The following OPN1LW variants were observed in gnomAD, a reference collection of about 807,000 sequenced individuals.
The protein encoded by OPN1LW is long-wave-sensitive opsin 1.
Under a neutral mutation model 18.1 loss-of-function variants are expected in OPN1LW, and 4 were observed. That is an observed-to-expected ratio of 0.22 (90% CI 0.11 to 0.51). OPN1LW has a LOEUF of 0.51. Among genes scored for constraint, OPN1LW ranks in the 20% least tolerant of loss-of-function variants. The pLI, the probability that OPN1LW is intolerant of heterozygous loss-of-function variation, is 0.97. For missense variants in OPN1LW, 164 were observed against 234.9 expected (o/e 0.70, Z 1.97); for synonymous variants, 86 against 101.2 (o/e 0.85, Z 0.90).
chrX:154,144,252 G>C lies in OPN1LW; in HGVS notation c.-32G>C. 1.7e-6 allele frequency: 2 copies of C among 1,209,899 alleles called. No individual in the cohort carries two copies. Among genetic ancestry groups the C allele is most frequent in the South Asian group, 1.8e-5 (1 of 56,893 alleles). On this transcript the variant is annotated 5_prime_UTR_variant, in exon 1 of 6. Transcript: ENST00000369951. ...GACCCTCAGGTGATGCGCCAGGGCC[G>C]GCTGCCGTCGGGGACAGGGCTTTCC...
chrX:154,149,435 G>A (rs2067067301), intron 1 of OPN1LW, among the ~76,000 whole-genome samples: 1 of 94,435 alleles, frequency 1.1e-5, no homozygotes, highest in Admixed American at 1.1e-4. Context: ...CGGAGGCTGA[G>A]GCAGGAGAAT....
chrX:154,150,665 A>C lies in OPN1LW; in HGVS notation c.122A>C (p.Glu41Ala). The change falls in exon 2 of 6, where the codon GAA (glutamate) becomes GCA (alanine). Residue 41 changes from glutamate (E) to alanine (A), a missense_variant. By Grantham distance (107) the Glu-to-Ala change is moderately radical. Transcript: ENST00000369951. ...TNSNSTRGPF[E>A]GPNYHIAPRW... ...TGCCTCCTGCCCTCAGGCCCCTTCGAAGGCCCGAATTACCACATCGCTCCC... is the reference window on the plus strand; with the variant it reads ...TGCCTCCTGCCCTCAGGCCCCTTCGCAGGCCCGAATTACCACATCGCTCCC... The C allele has an allele frequency of 8.4e-7, 1 of 1,196,224 alleles. No homozygotes were observed. The highest frequency in any genetic ancestry group is 1.1e-6 in the Non-Finnish European group (1 of 889,430).
At chrX:154,156,634 G>T in intron 5 of OPN1LW, 101 bp downstream of exon 5, 1 of 1,067,816 alleles carries the variant, frequency 9.4e-7, no homozygotes, top group Non-Finnish European at 1.3e-6. Context: ...AGAAGCCCGC[G>T]GAGCATCTGG....
chrX:154,156,260 C>G, intron 4 of OPN1LW, 34 bp from the exon 5 acceptor site: 2 of 1,186,031 alleles, frequency 1.7e-6, no homozygotes, highest in Non-Finnish European at 2.3e-6. Flanking sequence ...TTGCTGCCCT[C>G]CAACCCCCGA....
At chrX:154,156,733 G>C (rs2067087057) in intron 5 of OPN1LW, among the ~76,000 whole-genome samples, 200 bp downstream of exon 5, 1 of 104,823 alleles carries the variant, frequency 9.5e-6, no homozygotes, top group African/African-American at 3.7e-5. Context: ...GAAGGCTTAG[G>C]TGTGCCCTCT....
chrX:154,148,763 C>T (rs1163154829), intron 1 of OPN1LW, among the ~76,000 whole-genome samples: 1 of 105,203 alleles, frequency 9.5e-6, no homozygotes, highest in Admixed American at 9.7e-5. Context: ...CAATTCAACT[C>T]ATAACACATT....
At chrX:154,148,212 G>A (rs1557157129) in intron 1 of OPN1LW, among the ~76,000 whole-genome samples, 4 of 103,659 alleles carry the variant, frequency 3.9e-5, no homozygotes, top group Admixed American at 9.9e-5. Flanking sequence ...TTGTGCCACT[G>A]TACTCCAGCC....
chrX:154,148,750 A>T (rs1458568097), intron 1 of OPN1LW, among the ~76,000 whole-genome samples: 1 of 105,028 alleles, frequency 9.5e-6, no homozygotes, highest in African/African-American at 4.1e-5. Flanking sequence ...TTGGGTGGGG[A>T]CACAATTCAA....
At chrX:154,148,566 C>A (rs1485654533) in intron 1 of OPN1LW, among the ~76,000 whole-genome samples, 1 of 103,376 alleles carries the variant, frequency 9.7e-6, no homozygotes, top group Non-Finnish European at 1.9e-5. Context: ...CCACCGCTCC[C>A]AGCCGACTGT....
At chrX:154,149,008 A>G (rs1557157236) in intron 1 of OPN1LW, among the ~76,000 whole-genome samples, 1 of 103,273 alleles carries the variant, frequency 9.7e-6, no homozygotes, top group Admixed American at 9.9e-5. Flanking sequence ...GATTGAGATC[A>G]TCCTAGCTAA....
At chrX:154,149,787 T>A (rs1460958728) in intron 1 of OPN1LW, among the ~76,000 whole-genome samples, 3 of 21,884 alleles carry the variant, frequency 1.4e-4, no homozygotes, top group African/African-American at 3.1e-4. Context: ...TAAAAAAAAA[T>A]TTTTTTTACA....
At chrX:154,150,585 G>A in intron 1 of OPN1LW, 71 bp from the exon 2 acceptor site, 1 of 1,108,188 alleles carries the variant, frequency 9.0e-7, no homozygotes, top group South Asian at 1.9e-5. Context: ...GGGGAGAGGT[G>A]GGATCAGCAC....
At chrX:154,148,953 C>A (rs1169060853) in intron 1 of OPN1LW, among the ~76,000 whole-genome samples, 5 of 104,764 alleles carry the variant, frequency 4.8e-5, no homozygotes, top group Non-Finnish European at 9.4e-5. Flanking sequence ...CGCCTGTAAT[C>A]CCAGCACTTT....
At position 154,156,302 on chromosome X, in the gene OPN1LW, G is replaced by C. The variant is rs782291194; in HGVS notation, c.753G>C (p.Lys251Asn). 8.3e-7 allele frequency: 1 copy of C among 1,199,135 alleles called. No homozygotes were observed. The highest frequency in any genetic ancestry group is 1.1e-6 in the Non-Finnish European group (1 of 888,766). ...QVWLAIRAVA[K>N]QQKESESTQK... is the part of the protein sequence containing the mutation. ...ATCCCTGTCTCCCTTAGGTGGCAAA[G>C]CAGCAGAAAGAGTCTGAATCCACCC... The change falls in exon 5 of 6, where the codon AAG (lysine) becomes AAC (asparagine). Residue 251 changes from lysine to asparagine, a missense_variant. Lys to Asn is a moderately conservative substitution (Grantham distance 94). This residue lies in a region of OPN1LW where 106 missense variants were observed against 167.7 expected (regional missense o/e 0.63). Transcript: ENST00000369951.
chrX:154,156,458 G>A lies in OPN1LW; in HGVS notation c.909G>A (p.Met303Ile), dbSNP rs1557158004. ...CTGGTTACGCCTTCCACCCTTTGAT[G>A]GCTGCCCTGCCGGCCTACTTTGCCA... ...ANPGYAFHPL[M>I]AALPAYFAKS... The change falls in exon 5 of 6, where the codon ATG (methionine) becomes ATA (isoleucine). Residue 303 changes from methionine to isoleucine, a missense_variant. Physicochemically the swap from Met to Ile is conservative, Grantham distance 10. Around this residue, in one of 3 missense-constraint regions of OPN1LW, gnomAD observed 53 missense variants for 50.2 expected, o/e 1.06. Coordinates refer to ENST00000369951, the MANE Select transcript of OPN1LW (RefSeq NM_020061.6). 8.3e-7 allele frequency: 1 copy of A among 1,204,858 alleles called. No homozygotes were observed. The highest frequency in any genetic ancestry group is 1.1e-6 in the Non-Finnish European group (1 of 890,491).
intron 3 of OPN1LW, among the ~76,000 whole-genome samples, chrX:154,154,284 T>G (rs140085321): frequency 0.046 from 4,066 of 88,606 alleles, 281 homozygotes; most frequent in Non-Finnish European, 0.067. Flanking sequence ...CATTTTATGT[T>G]ATGTGTATTT....
At chrX:154,154,501 G>T (rs2067079386) in intron 3 of OPN1LW, 73 bp from the exon 4 acceptor site, 1 of 804,845 alleles carries the variant, frequency 1.2e-6, no homozygotes, top group East Asian at 3.2e-5. Context: ...ACCCGAGTTA[G>T]CACCGTGCCT....
rs2315123 is a variant in OPN1LW, at chrX:154,156,372, T to G, written c.823T>G (p.Phe275Val). 2 of 1,204,978 alleles carry G rather than the reference T, an allele frequency of 1.7e-6. No individual in the cohort carries two copies. The highest frequency in any genetic ancestry group is 3.5e-5 in the South Asian group (2 of 56,449). Residue 275 changes from phenylalanine to valine, a missense_variant, in exon 5 of 6, where the codon TTT (phenylalanine) becomes GTT (valine). Physicochemically the swap from Phe to Val is conservative, Grantham distance 50. This residue lies in a region of OPN1LW where 53 missense variants were observed against 50.2 expected (regional missense o/e 1.06). Coordinates refer to ENST00000369951, the MANE Select transcript of OPN1LW (RefSeq NM_020061.6). Reference protein sequence around the residue: ...EVTRMVVVMIFAYCVCWGPYT... With the variant: ...EVTRMVVVMIVAYCVCWGPYT... Reference sequence around the variant, plus strand: ...GACGCGCATGGTGGTGGTGATGATCTTTGCGTACTGCGTCTGCTGGGGACC... The same window carrying G: ...GACGCGCATGGTGGTGGTGATGATCGTTGCGTACTGCGTCTGCTGGGGACC...
rs781937145 is a variant in OPN1LW, at chrX:154,150,978, G to A, written c.409+26G>A. The A allele has an allele frequency of 5.7e-5, 67 of 1,176,903 alleles. 1 individual carries two copies. The East Asian group carries it at 1.9e-3, about 34-fold the overall frequency. On this transcript the variant is annotated intron_variant, in intron 2 of 5. Transcript: ENST00000369951. ...GTAAGCCAGTCGGGGCCCAGGCTCG[G>A]CGGAAACCACTCATTCACCCTGCAA...
Sources: gnomAD v4.1 joint callset for allele counts (sites outside exome capture counted in the v4.1 genomes callset) on GRCh38, gnomAD v4.1.1 for gene constraint, gnomAD v4.1.1 regional missense constraint, MANE v1.5 for transcripts, NCBI Gene and HGNC (gene_info 2026-07-23, HGNC 2026-07-21) for gene names.